DLG2: variants seen among roughly 807,000 people sequenced by gnomAD.
The protein encoded by DLG2 is disks large homolog 2.
DLG2 carries 45 observed loss-of-function variants against 132.5 expected under a neutral mutation model. The ratio of observed to expected loss-of-function variants is 0.34; its 90% confidence interval spans 0.27 to 0.44. The LOEUF (loss-of-function observed/expected upper bound fraction) is 0.44. Among genes scored for constraint, DLG2 ranks in the 20% least tolerant of loss-of-function variants. The pLI is 1.00. For missense variants in DLG2, 1,045 were observed against 1,196.9 expected (o/e 0.87, Z 1.87); for synonymous variants, 424 against 419.6 (o/e 1.01, Z -0.13).
At chr11:83,623,383 T>G (rs2061951956) in intron 19 of DLG2, among the ~76,000 whole-genome samples, 1 of 152,208 alleles carries the variant, frequency 6.6e-6, no homozygotes, top group South Asian at 2.1e-4. Context: ...ACAGTTAAAC[T>G]CTCTCCAATT....
At chr11:84,925,354 G>A (rs1329605831) in intron 6 of DLG2, among the ~76,000 whole-genome samples, 1 of 152,068 alleles carries the variant, frequency 6.6e-6, no homozygotes, top group African/African-American at 2.4e-5. Flanking sequence ...CAGGGCTTTA[G>A]ATACCATTTT....
chr11:84,844,127 GTGTGTGTGTATATATATATATATA>G (rs1448859545), intron 6 of DLG2, among the ~76,000 whole-genome samples: 4 of 25,964 alleles, frequency 1.5e-4, no homozygotes, highest in African/African-American at 4.8e-4. Context: ...GTGTGTGTGT[GTGTGTGTGTATATATATATATATA>G]TATATATATA....
At chr11:84,710,489 C>A (rs1262238423) in intron 6 of DLG2, among the ~76,000 whole-genome samples, 1 of 151,902 alleles carries the variant, frequency 6.6e-6, no homozygotes, top group African/African-American at 2.4e-5. Flanking sequence ...AATAAGCCAA[C>A]TGACATGTGA....
intron 27 of DLG2, among the ~76,000 whole-genome samples, chr11:83,460,512 T>C (rs185455291): frequency 7.8e-4 from 119 of 152,300 alleles, no homozygotes; most frequent in African/African-American, 2.8e-3. Flanking sequence ...GAGAATACCA[T>C]AAGTCCACTA....
At chr11:83,831,768 G>A (rs756046555) in intron 17 of DLG2, among the ~76,000 whole-genome samples, 10 of 151,986 alleles carry the variant, frequency 6.6e-5, no homozygotes, top group Admixed American at 2.0e-4. Context: ...GTAACCCTCC[G>A]TTATTATTTT....
chr11:84,740,902 G>A (rs994080295), intron 6 of DLG2, among the ~76,000 whole-genome samples: 1 of 151,970 alleles, frequency 6.6e-6, no homozygotes, highest in Non-Finnish European at 1.5e-5. Flanking sequence ...CCCAGGTTCT[G>A]AGAAACAGCC....
chr11:85,537,485 G>C (rs571870623), intron 3 of DLG2, among the ~76,000 whole-genome samples: 8 of 152,224 alleles, frequency 5.3e-5, no homozygotes, highest in Admixed American at 2.6e-4. Flanking sequence ...CCACCAGGAG[G>C]GATGAACAAC....
Position 83,635,124 on chromosome 11 carries a change from C to T in DLG2, c.1826-1799G>A, listed in dbSNP as rs188840557. Among the ~76,000 whole-genome samples the T allele has an allele frequency of 2.4e-3, 365 of 152,040 alleles. 3 individuals are homozygous for T. The highest frequency in any genetic ancestry group is 6.9e-3 in the African/African-American group (285 of 41,474). On this transcript the variant is annotated intron_variant, in intron 18 of 27. Transcript: ENST00000376104. ...GGTGTGGTGACACACACATATAGTCCCAGCTATTTGGGAGACCGAGGCAGG... is the reference window on the plus strand; with the variant it reads ...GGTGTGGTGACACACACATATAGTCTCAGCTATTTGGGAGACCGAGGCAGG...
intron 3 of DLG2, among the ~76,000 whole-genome samples, chr11:85,515,465 T>C (rs1350141417): frequency 6.6e-6 from 1 of 151,984 alleles, no homozygotes; most frequent in Non-Finnish European, 1.5e-5. Context: ...TCATCACTTT[T>C]CATTTTGTAA....
intron 3 of DLG2, among the ~76,000 whole-genome samples, chr11:85,598,016 A>AC (rs201407891): frequency 0.23 from 34,531 of 151,564 alleles, 4,537 homozygotes; most frequent in Non-Finnish European, 0.29. Flanking sequence ...TATAAAAAAA[A>AC]ATATATAAAT....
intron 6 of DLG2, among the ~76,000 whole-genome samples, chr11:84,646,282 G>C (rs959883263): frequency 6.6e-6 from 1 of 152,022 alleles, no homozygotes; most frequent in African/African-American, 2.4e-5. Context: ...TGGAGTACTT[G>C]ACACCACAGG....
At position 83,457,586 on chromosome 11, in the gene DLG2, C is replaced by T. The variant is rs1387093621; in HGVS notation, c.*2232G>A. 1 of 152,522 alleles carries T rather than the reference C, an allele frequency of 6.6e-6. No individual in the cohort carries two copies. Among genetic ancestry groups the T allele is most frequent in the African/African-American group, 2.4e-5 (1 of 41,428 alleles). The allele number at this position is 152,522 out of a possible 1,614,324, so 9.4% of individuals were successfully genotyped here. A position where few individuals can be genotyped will look rare whatever the true frequency, so the allele number is the denominator to read the frequency against. ...ACACTAGTAAATGGAAAGCACATCA[C>T]ACGACCCGCGAAAACATCTACTCAT... On this transcript the variant is annotated 3_prime_UTR_variant, in exon 28 of 28. Transcript: ENST00000376104.
intron 9 of DLG2, among the ~76,000 whole-genome samples, chr11:84,145,798 G>A (rs935296754): frequency 6.6e-6 from 1 of 152,188 alleles, no homozygotes; most frequent in Non-Finnish European, 1.5e-5. Context: ...GAAGGCTGGA[G>A]TCAGCAGCTG....
intron 6 of DLG2, among the ~76,000 whole-genome samples, chr11:84,635,952 G>T (rs1329543436): frequency 6.6e-6 from 1 of 152,092 alleles, no homozygotes; most frequent in African/African-American, 2.4e-5. Context: ...GTTAATTAAA[G>T]GATAAATGAG....
Position 85,087,860 on chromosome 11 carries a change from A to AAAAAG in DLG2, c.357+23800_357+23801insCTTTT, listed in dbSNP as rs1555365309. Among the ~76,000 whole-genome samples, 1,103 of 147,742 alleles carry AAAAAG rather than the reference A, an allele frequency of 7.5e-3. 34 individuals are homozygous for AAAAAG. The highest frequency in any genetic ancestry group is 0.025 in the African/African-American group (1,013 of 40,040). ...ACTCCGTCTCAAAAAAAAAAAAAAA[A>AAAAAG]AAAAAAAAACAGATCATGGAGGGAT... On this transcript the variant is annotated intron_variant, in intron 6 of 27. Transcript: ENST00000376104.
chr11:84,732,674 T>C (rs2063298812), intron 6 of DLG2, among the ~76,000 whole-genome samples: 1 of 152,016 alleles, frequency 6.6e-6, no homozygotes, highest in Non-Finnish European at 1.5e-5. Flanking sequence ...TTTTAAGTTC[T>C]AGGGTACATG....
chr11:84,863,559 A>G (rs933524930), intron 6 of DLG2, among the ~76,000 whole-genome samples: 5 of 152,134 alleles, frequency 3.3e-5, no homozygotes, highest in African/African-American at 1.2e-4. Context: ...CATATTGAAC[A>G]AACACCATAC....
chr11:84,058,865 C>T lies in DLG2; in HGVS notation c.919+450G>A, dbSNP rs58447159. Among the ~76,000 whole-genome samples the T allele has an allele frequency of 2.7e-4, 41 of 151,954 alleles. No homozygotes were observed. In the East Asian group the frequency reaches 7.9e-3, roughly 29 times the overall value. Reference sequence around the variant, plus strand: ...ATAAAATGTCATGTAATATTGGGTACAACACATAAGAATATAACCAAACTT... The same window carrying T: ...ATAAAATGTCATGTAATATTGGGTATAACACATAAGAATATAACCAAACTT... On this transcript the variant is annotated intron_variant, in intron 11 of 27. Coordinates refer to ENST00000376104, the MANE Select transcript of DLG2 (RefSeq NM_001142699.3).
chr11:83,719,789 A>T (rs1283004588), intron 18 of DLG2, among the ~76,000 whole-genome samples: 2 of 152,158 alleles, frequency 1.3e-5, no homozygotes, highest in Non-Finnish European at 2.9e-5. Context: ...AGGTGTTCCA[A>T]AAGAATTTGG....
Sources: allele counts gnomAD v4.1 joint callset (sites outside exome capture counted in the v4.1 genomes callset), GRCh38; gene constraint gnomAD v4.1.1; transcripts MANE v1.5; gene names NCBI Gene and HGNC (gene_info 2026-07-23, HGNC 2026-07-21).